DNAH5: variants seen among roughly 807,000 people sequenced by gnomAD.
The protein encoded by DNAH5 is axonemal beta dynein heavy chain 5.
Under a neutral mutation model 518.2 loss-of-function variants are expected in DNAH5, and 372 were observed. That is an observed-to-expected ratio of 0.72 (90% CI 0.66 to 0.78). The LOEUF (loss-of-function observed/expected upper bound fraction) is 0.78. Ranked by LOEUF, DNAH5 falls within the 30% of genes least tolerant of loss-of-function variation. DNAH5 has a pLI of 0.00. For synonymous variants in DNAH5, 2,039 were observed against 2,025.9 expected, an observed-to-expected ratio of 1.01 and a Z score of -0.17; for missense variants, 5,523 against 5,687.0, an observed-to-expected ratio of 0.97 and a Z score of 0.93.
At chr5:14,008,680 G>C (rs954809904) in intron 1 of DNAH5, among the ~76,000 whole-genome samples, 3 of 152,080 alleles carry the variant, frequency 2.0e-5, no homozygotes, top group Admixed American at 1.3e-4. Flanking sequence ...CAAAGGTGGA[G>C]AGGGAAGGAA....
In DNAH5 at chr5:13,810,164, G is replaced by A; in HGVS notation, c.7504C>T (p.Arg2502Cys). The stretch of plus-strand genomic sequence containing the variant: ...GAGCGCAGCCAGAGCTCCAGGCGGC[G>A]CCGTCCGTCCAGCTCCAGCGCCGCC... The part of the protein sequence containing the change: ...AGAALELDGR[R>C]RLELWLRSRP... Residue 2502 changes from arginine (R) to cysteine (C), a missense_variant, in exon 45 of 79, where the codon CGC becomes TGC. Transcript: ENST00000265104. 1 of 1,548,394 alleles carries A rather than the reference G, an allele frequency of 6.5e-7. No homozygotes were observed. The highest frequency in any genetic ancestry group is 8.7e-7 in the Non-Finnish European group (1 of 1,145,620).
At chr5:13,760,318 G>C (rs1198111299) in intron 60 of DNAH5, among the ~76,000 whole-genome samples, 1 of 152,156 alleles carries the variant, frequency 6.6e-6, no homozygotes, top group African/African-American at 2.4e-5. Context: ...GTAGAACTCT[G>C]TGCAGGCTGC....
chr5:13,801,462 C>G (rs1396162972), intron 47 of DNAH5, among the ~76,000 whole-genome samples: 2 of 152,166 alleles, frequency 1.3e-5, no homozygotes, highest in African/African-American at 4.8e-5. Context: ...AGTGCAAGAA[C>G]AGACTAACAT....
chr5:13,916,613 A>T (rs980942773), intron 8 of DNAH5, among the ~76,000 whole-genome samples, 158 bp from the exon 9 acceptor site: 2 of 149,434 alleles, frequency 1.3e-5, no homozygotes, highest in Non-Finnish European at 2.9e-5. Context: ...TATATTTAAT[A>T]TTAATTTTAT....
intron 18 of DNAH5, 43 bp from the exon 19 acceptor site, chr5:13,885,271 G>A: frequency 6.2e-7 from 1 of 1,603,864 alleles, no homozygotes. Flanking sequence ...TAAGTTAGAT[G>A]GATGGATGGA....
At chr5:13,984,900 C>T (rs534260728) in intron 1 of DNAH5, among the ~76,000 whole-genome samples, 142 of 152,222 alleles carry the variant, frequency 9.3e-4, no homozygotes, top group Non-Finnish European at 1.8e-3. Context: ...ACTAGAAATA[C>T]CATTTGACCC....
At chr5:13,748,364 CT>C (rs548796782) in intron 65 of DNAH5, among the ~76,000 whole-genome samples, 14 of 152,046 alleles carry the variant, frequency 9.2e-5, no homozygotes, top group Admixed American at 6.6e-4. Flanking sequence ...AATGTGGGCT[CT>C]TTTTTTGGTT....
intron 50 of DNAH5, among the ~76,000 whole-genome samples, chr5:13,789,247 A>C (rs1561263469): frequency 6.6e-6 from 1 of 152,206 alleles, no homozygotes; most frequent in East Asian, 1.9e-4. Flanking sequence ...ATCTATATTC[A>C]TGTGGCCAGA....
chr5:13,764,626 C>T (rs1752256807), intron 59 of DNAH5, among the ~76,000 whole-genome samples: 1 of 152,176 alleles, frequency 6.6e-6, no homozygotes, highest in Non-Finnish European at 1.5e-5. Flanking sequence ...GTTTTGAAAA[C>T]TCTTCAGCAC....
intron 78 of DNAH5, among the ~76,000 whole-genome samples, chr5:13,694,237 A>G (rs1741067793): frequency 6.6e-6 from 1 of 152,236 alleles, no homozygotes; most frequent in Non-Finnish European, 1.5e-5. Flanking sequence ...AAGCAGGTAA[A>G]AATAATTTTC....
At chr5:13,905,184 G>T (rs1775135809) in intron 12 of DNAH5, among the ~76,000 whole-genome samples, 1 of 152,152 alleles carries the variant, frequency 6.6e-6, no homozygotes, top group East Asian at 1.9e-4. Flanking sequence ...GAAACCCATG[G>T]ATCAAGCATG....
At chr5:13,757,476 T>C (rs116135184) in intron 61 of DNAH5, among the ~76,000 whole-genome samples, 2,622 of 152,326 alleles carry the variant, frequency 0.017, 73 homozygotes, top group African/African-American at 0.057. Flanking sequence ...CTTGTTTTCA[T>C]ATGATTGTTG....
Position 13,721,256 on chromosome 5 carries a change from C to T in DNAH5, c.12034-11G>A. On this transcript the variant is annotated splice_polypyrimidine_tract_variant and intron_variant, in intron 70 of 78. Coordinates refer to ENST00000265104, the MANE Select transcript of DNAH5 (RefSeq NM_001369.3). ...GATGTACTTGCGGGCCTGCCAAAAA[C>T]AGTATACAAGTCAGTAAAAGTCATT... is the stretch of plus-strand genomic sequence containing the variant. The T allele has an allele frequency of 6.2e-7, 1 of 1,614,044 alleles. No homozygotes were observed. The highest frequency in any genetic ancestry group is 8.5e-7 in the Non-Finnish European group (1 of 1,179,956).
chr5:13,778,092 T>A (rs1272439435), intron 53 of DNAH5, among the ~76,000 whole-genome samples: 1 of 152,194 alleles, frequency 6.6e-6, no homozygotes, highest in Non-Finnish European at 1.5e-5. Context: ...ACTTTAGTCA[T>A]GAAATAAACT....
chr5:13,928,931 T>G (rs574660816), intron 2 of DNAH5, among the ~76,000 whole-genome samples: 3 of 152,142 alleles, frequency 2.0e-5, no homozygotes, highest in Admixed American at 6.5e-5. Context: ...GAAAACAGTA[T>G]GAAGGCTCCT....
chr5:13,987,949 A>C (rs1037792607), intron 1 of DNAH5, among the ~76,000 whole-genome samples: 2 of 152,200 alleles, frequency 1.3e-5, no homozygotes, highest in Admixed American at 1.3e-4. Flanking sequence ...TAGAGTCAAA[A>C]ACTAGACAAA....
intron 1 of DNAH5, among the ~76,000 whole-genome samples, chr5:13,973,697 G>T (rs1446346604): frequency 1.4e-5 from 2 of 144,276 alleles, no homozygotes; most frequent in African/African-American, 5.3e-5. Flanking sequence ...CAAGTTGTCA[G>T]AATCAAAATG....
chr5:13,848,116 G>A (rs706269), intron 31 of DNAH5, among the ~76,000 whole-genome samples: 8,441 of 152,276 alleles, frequency 0.055, 256 homozygotes, highest in Admixed American at 0.063. Context: ...ATGGAATGGC[G>A]CAGCATCAAT....
chr5:13,882,851 A>G, intron 20 of DNAH5, 36 bp from the exon 21 acceptor site: 1 of 1,613,770 alleles, frequency 6.2e-7, no homozygotes, highest in Non-Finnish European at 8.5e-7. Flanking sequence ...GTTCTGTCCT[A>G]TCTGTAAAAG....
Sources: allele counts gnomAD v4.1 joint callset (sites outside exome capture counted in the v4.1 genomes callset), GRCh38; gene constraint gnomAD v4.1.1; transcripts MANE v1.5; gene names NCBI Gene and HGNC (gene_info 2026-07-23, HGNC 2026-07-21).